Variants in ARL15 observed in about 807,000 individuals in gnomAD.
The protein encoded by ARL15 is ARF like GTPase 15, also known as ADP-ribosylation factor-like protein 15.
A neutral mutation model predicts 25.2 loss-of-function variants in ARL15; 19 were observed. That is an observed-to-expected ratio of 0.75 (90% CI 0.53 to 1.10). ARL15 has a LOEUF of 1.10. ARL15 is among the 50% of genes least tolerant of loss of function. The pLI is 0.00. For missense variants in ARL15, 220 were observed against 246.0 expected (o/e 0.89, Z 0.71); for synonymous variants, 94 against 86.8 (o/e 1.08, Z -0.46).
chr5:54,265,237 C>T (rs887325905), intron 1 of ARL15, among the ~76,000 whole-genome samples: 1 of 152,106 alleles, frequency 6.6e-6, no homozygotes, highest in Non-Finnish European at 1.5e-5. Flanking sequence ...GTTCTTAGTA[C>T]AATTGTTATA....
intron 4 of ARL15, among the ~76,000 whole-genome samples, chr5:53,907,258 A>C (rs779420166): frequency 6.6e-6 from 1 of 151,672 alleles, no homozygotes; most frequent in Non-Finnish European, 1.5e-5. Context: ...GGGAATACTG[A>C]AGTTAGCTTT....
chr5:54,259,546 G>T (rs1210826408), intron 1 of ARL15, among the ~76,000 whole-genome samples: 3 of 152,260 alleles, frequency 2.0e-5, no homozygotes, highest in East Asian at 1.9e-4. Flanking sequence ...GGTTAGAGAT[G>T]AGTGGAAAAA....
intron 3 of ARL15, among the ~76,000 whole-genome samples, chr5:54,128,688 ATATT>A (rs1196108087): frequency 6.7e-6 from 1 of 148,196 alleles, no homozygotes; most frequent in African/African-American, 2.5e-5. Flanking sequence ...AGTATTTCCT[ATATT>A]TATTATTTTG....
intron 1 of ARL15, among the ~76,000 whole-genome samples, chr5:54,291,341 T>C (rs1042314333): frequency 6.6e-6 from 1 of 152,228 alleles, no homozygotes; most frequent in African/African-American, 2.4e-5. Context: ...AGTTCCTATA[T>C]GAAATGCTGT....
intron 1 of ARL15, among the ~76,000 whole-genome samples, chr5:54,222,621 G>A (rs193152388): frequency 2.6e-5 from 4 of 152,246 alleles, no homozygotes; most frequent in East Asian, 1.9e-4. Context: ...GGTAGGGAAT[G>A]GGGTGAGGGG....
At chr5:54,192,759 A>G (rs1336757887) in intron 1 of ARL15, among the ~76,000 whole-genome samples, 1 of 152,098 alleles carries the variant, frequency 6.6e-6, no homozygotes, top group East Asian at 1.9e-4. Context: ...AAAACAGAAA[A>G]CGTAAGTGTC....
At chr5:53,965,629 T>C (rs951871674) in intron 4 of ARL15, among the ~76,000 whole-genome samples, 1 of 151,970 alleles carries the variant, frequency 6.6e-6, no homozygotes, top group South Asian at 2.1e-4. Context: ...TTTTTCTTTT[T>C]TTTTTTTTCT....
At chr5:53,975,868 A>G (rs1747902931) in intron 4 of ARL15, among the ~76,000 whole-genome samples, 2 of 152,114 alleles carry the variant, frequency 1.3e-5, no homozygotes, top group Non-Finnish European at 2.9e-5. Flanking sequence ...GGCTCTGCCT[A>G]CGTCATCTGG....
intron 1 of ARL15, among the ~76,000 whole-genome samples, chr5:54,261,483 G>T (rs1225405391): frequency 2.6e-5 from 4 of 151,760 alleles, no homozygotes; most frequent in African/African-American, 9.7e-5. Context: ...ACATATAGTA[G>T]ATATTCAATA....
chr5:54,198,926 ATGGTAT>A (rs1755634472), intron 1 of ARL15, among the ~76,000 whole-genome samples: 1 of 152,196 alleles, frequency 6.6e-6, no homozygotes, highest in South Asian at 2.1e-4. Context: ...CCAAAACAGC[ATGGTAT>A]TGGTACCAAA....
rs527902801 is a variant in ARL15, at chr5:54,261,877, A to C, written c.48+48555T>G. Among the ~76,000 whole-genome samples the C allele has an allele frequency of 4.6e-5, 7 of 152,282 alleles. No homozygotes were observed. The South Asian group carries it at 1.4e-3, about 32-fold the overall frequency. ...GGCTGGTAACCTTGGTTCTCATCAA[A>C]TTGAAGTTTCACATTAATGTGTTCC... is the stretch of plus-strand genomic sequence containing the variant. On this transcript the variant is annotated intron_variant, in intron 1 of 4. Transcript: ENST00000504924.
chr5:54,187,188 C>A (rs562499289), intron 1 of ARL15, among the ~76,000 whole-genome samples: 1 of 152,242 alleles, frequency 6.6e-6, no homozygotes, highest in East Asian at 1.9e-4. Context: ...ACTGCAGCCA[C>A]GAGAATGACA....
At chr5:54,291,779 A>G (rs1758323756) in intron 1 of ARL15, among the ~76,000 whole-genome samples, 1 of 152,162 alleles carries the variant, frequency 6.6e-6, no homozygotes, top group African/African-American at 2.4e-5. Context: ...CAACATGTAA[A>G]TCTGGTGCTA....
intron 4 of ARL15, chr5:53,912,186 G>T (rs1163810005): frequency 1.3e-5 from 2 of 152,058 alleles, no homozygotes; most frequent in Non-Finnish European, 2.9e-5. Context: ...TCAGTCCATT[G>T]AGGAAAGTAC....
At chr5:53,990,363 G>A (rs2111653129) in intron 4 of ARL15, among the ~76,000 whole-genome samples, 1 of 152,256 alleles carries the variant, frequency 6.6e-6, no homozygotes, top group Non-Finnish European at 1.5e-5. Context: ...GGTAAAATCT[G>A]GAAATACAAT....
intron 4 of ARL15, among the ~76,000 whole-genome samples, chr5:54,086,614 T>G (rs1751972200): frequency 6.6e-6 from 1 of 152,152 alleles, no homozygotes; most frequent in Admixed American, 6.6e-5. Flanking sequence ...AATGAGAATA[T>G]TAACCCTTCC....
intron 4 of ARL15, among the ~76,000 whole-genome samples, chr5:53,951,189 G>C (rs788516): frequency 0.28 from 42,013 of 152,192 alleles, 6,952 homozygotes; most frequent in East Asian, 0.39. Flanking sequence ...GTATGGGAGA[G>C]CTGAGTAGCA....
chr5:53,956,258 A>G (rs919641947), intron 4 of ARL15, among the ~76,000 whole-genome samples: 1 of 152,018 alleles, frequency 6.6e-6, no homozygotes, highest in Non-Finnish European at 1.5e-5. Context: ...CCCTCGTTTT[A>G]ATAGTTTAGA....
chr5:54,041,746 G>A (rs1373175546), intron 4 of ARL15, among the ~76,000 whole-genome samples: 2 of 152,190 alleles, frequency 1.3e-5, no homozygotes, highest in East Asian at 3.9e-4. Context: ...GGAATTGAAA[G>A]CATCCATAGA....
Sources: gnomAD v4.1 joint callset for allele counts (sites outside exome capture counted in the v4.1 genomes callset) on GRCh38, gnomAD v4.1.1 for gene constraint, MANE v1.5 for transcripts, NCBI Gene and HGNC (gene_info 2026-07-23, HGNC 2026-07-21) for gene names.